The following PAK1 variants were observed in gnomAD, a reference collection of about 807,000 sequenced individuals.
PAK1 encodes p21 (RAC1) activated kinase 1.
PAK1 carries 29 observed loss-of-function variants against 67.4 expected under a neutral mutation model. That is an observed-to-expected ratio of 0.43 (90% CI 0.32 to 0.59). The LOEUF is 0.59. Among genes scored for constraint, PAK1 ranks in the 20% least tolerant of loss-of-function variants. The pLI is 0.07. For synonymous variants in PAK1, 223 were observed against 237.4 expected (o/e 0.94, Z 0.56); for missense variants, 337 against 670.7 (o/e 0.50, Z 5.50).
Position 77,379,543 on chromosome 11 carries a change from T to C in PAK1, c.292-155A>G, listed in dbSNP as rs144990842. On this transcript the variant is annotated intron_variant, in intron 3 of 14. Transcript: ENST00000356341. ...TCTCAGAGTTTACACAAGCCTCTTT[T>C]ATAATATCTTTCTCATTGAATTAGT... 1.2e-5 allele frequency: 8 copies of C among 649,060 alleles called. No individual in the cohort carries two copies. The East Asian group carries it at 2.2e-4, about 18-fold the overall frequency. 40.2% of individuals were successfully genotyped at this position (649,060 alleles called of 1,614,324 possible). A position where few individuals can be genotyped will look rare whatever the true frequency, so the allele number is the denominator to read the frequency against.
At chr11:77,503,715 A>T in the PAK1 span, among the ~76,000 whole-genome samples, 36 of 151,984 alleles carry the variant, frequency 2.4e-4, no homozygotes, top group Admixed American at 2.3e-3. Context: ...AAGTTTAAAA[A>T]TTTTCTGGGT....
At chr11:77,376,271 T>C (rs531493648) in intron 4 of PAK1, among the ~76,000 whole-genome samples, 44 of 152,248 alleles carry the variant, frequency 2.9e-4, no homozygotes, top group African/African-American at 1.1e-3. Flanking sequence ...CACAGAATGA[T>C]GGAACAGAAA....
chr11:77,453,467 C>T (rs1321972573), intron 1 of PAK1, among the ~76,000 whole-genome samples: 1 of 149,438 alleles, frequency 6.7e-6, no homozygotes, highest in Non-Finnish European at 1.5e-5. Context: ...CCCACTGAAA[C>T]TTAACATGAA....
At chr11:77,379,422 C>T in intron 3 of PAK1, 34 bp from the exon 4 acceptor site, 1 of 1,597,194 alleles carries the variant, frequency 6.3e-7, no homozygotes, top group Non-Finnish European at 8.5e-7. Flanking sequence ...AACAGGAAGG[C>T]ACAGTCACAG....
At position 77,380,150 on chromosome 11, in the gene PAK1, G is replaced by A. The variant is rs372818741; in HGVS notation, c.191-156C>T. ...AAGAGCTCAGTTACGGATCTGGATT[G>A]GAGCAGATACTCAATGCATGTTTAA... On this transcript the variant is annotated intron_variant, in intron 2 of 14. Transcript: ENST00000356341. Among the ~76,000 whole-genome samples, 30 of 152,264 alleles carry A rather than the reference G, an allele frequency of 2.0e-4. No individual in the cohort carries two copies. The South Asian group carries it at 5.8e-3, about 29-fold the overall frequency.
chr11:77,376,736 CAA>C (rs35882567), intron 4 of PAK1, among the ~76,000 whole-genome samples: 11 of 75,248 alleles, frequency 1.5e-4, no homozygotes, highest in Non-Finnish European at 9.9e-5. Context: ...GACTCCATCT[CAA>C]AAAAAAAAAA....
intron 1 of PAK1, among the ~76,000 whole-genome samples, chr11:77,408,962 T>C (rs1019631061): frequency 6.6e-6 from 1 of 152,076 alleles, no homozygotes; most frequent in Admixed American, 6.6e-5. Context: ...TAAAATGGCT[T>C]GTATCAAAAA....
the PAK1 span, among the ~76,000 whole-genome samples, chr11:77,490,381 T>G: frequency 3.6e-4 from 16 of 43,862 alleles, no homozygotes; most frequent in Admixed American, 8.1e-4. Flanking sequence ...AGGTGAGGGG[T>G]GCCTCTGCCT....
At chr11:77,438,885 T>G (rs1485169713) in intron 1 of PAK1, among the ~76,000 whole-genome samples, 2 of 152,188 alleles carry the variant, frequency 1.3e-5, no homozygotes, top group East Asian at 3.8e-4. Flanking sequence ...AAAAAATAAA[T>G]TATTTTAATA....
At chr11:77,426,503 C>T (rs1007691461) in intron 1 of PAK1, among the ~76,000 whole-genome samples, 1 of 152,152 alleles carries the variant, frequency 6.6e-6, no homozygotes, top group African/African-American at 2.4e-5. Context: ...GAGCTTAACA[C>T]TTGCCAAAAC....
At chr11:77,491,156 A>G in the PAK1 span, among the ~76,000 whole-genome samples, 1 of 151,680 alleles carries the variant, frequency 6.6e-6, no homozygotes, top group Non-Finnish European at 1.5e-5. Flanking sequence ...AATTAAAGAG[A>G]CATAAATAAA....
chr11:77,392,714 T>C (rs561126481), intron 1 of PAK1, among the ~76,000 whole-genome samples, 173 bp from the exon 2 acceptor site: 8 of 152,356 alleles, frequency 5.3e-5, no homozygotes, highest in African/African-American at 1.9e-4. Context: ...AAATGCCTAC[T>C]ATATGCCAAG....
chr11:77,364,319 C>T (rs137898670), intron 5 of PAK1, among the ~76,000 whole-genome samples: 243 of 152,298 alleles, frequency 1.6e-3, no homozygotes, highest in African/African-American at 5.6e-3. Flanking sequence ...AGGAAAGAAG[C>T]CTTACAGAGT....
At chr11:77,413,982 T>G (rs1189568771) in intron 1 of PAK1, among the ~76,000 whole-genome samples, 1 of 152,220 alleles carries the variant, frequency 6.6e-6, no homozygotes, top group East Asian at 1.9e-4. Flanking sequence ...CTCTTATAGA[T>G]GGTCTTCCAG....
intron 1 of PAK1, among the ~76,000 whole-genome samples, chr11:77,423,402 TACACACACACACAC>T (rs5792767): frequency 1.4e-4 from 19 of 136,956 alleles, no homozygotes; most frequent in South Asian, 2.4e-4. Flanking sequence ...TGCTTTCAAA[TACACACACACACAC>T]ACACACACAC....
chr11:77,462,833 AAAAAAAAAAAAAAGTCATGTGTCTC>A (rs1314304122), intron 1 of PAK1, among the ~76,000 whole-genome samples: 3 of 131,750 alleles, frequency 2.3e-5, no homozygotes, highest in African/African-American at 1.1e-4. Context: ...CTCCATCTCC[AAAAAAAAAAAAAAGTCATGTGTCTC>A]AAAAAAAAAA....
chr11:77,350,546 A>G (rs972292029), intron 8 of PAK1, among the ~76,000 whole-genome samples: 2 of 152,222 alleles, frequency 1.3e-5, no homozygotes, highest in African/African-American at 4.8e-5. Flanking sequence ...TGTAACACAT[A>G]TTTGTACCTG....
At chr11:77,374,156 A>G (rs935038047) in intron 5 of PAK1, among the ~76,000 whole-genome samples, 172 bp downstream of exon 5, 11 of 152,318 alleles carry the variant, frequency 7.2e-5, no homozygotes, top group African/African-American at 2.6e-4. Flanking sequence ...TGAAAGGGAT[A>G]CCCCCTATTT....
chr11:77,416,884 C>T (rs533891928), intron 1 of PAK1, among the ~76,000 whole-genome samples: 12 of 151,774 alleles, frequency 7.9e-5, no homozygotes, highest in Middle Eastern at 3.4e-3. Context: ...AACCAGGAGG[C>T]GGAGCTTGCA....
Sources: allele counts gnomAD v4.1 joint callset (sites outside exome capture counted in the v4.1 genomes callset), GRCh38; gene constraint gnomAD v4.1.1; transcripts MANE v1.5; gene names NCBI Gene and HGNC (gene_info 2026-07-23, HGNC 2026-07-21).